The following GSPT1 variants were observed in gnomAD, a reference collection of about 807,000 sequenced individuals.
The protein encoded by GSPT1 is G1 to S phase transition 1, also known as eukaryotic peptide chain release factor GTP-binding subunit ERF3A.
In GSPT1, 20 loss-of-function variants were observed where a neutral mutation model predicts 72.5. The ratio of observed to expected loss-of-function variants is 0.28; its 90% CI spans 0.19 to 0.40. GSPT1 has a LOEUF of 0.40. Ranked by LOEUF, GSPT1 falls within the 10% of genes least tolerant of loss-of-function variation. The probability of loss-of-function intolerance (pLI) is 1.00; values close to 1 mark genes in which losing one functional copy is unlikely to be tolerated. For missense variants in GSPT1, 580 were observed against 811.9 expected, an observed-to-expected ratio of 0.71 and a Z score of 3.47; for synonymous variants, 334 against 293.5, an observed-to-expected ratio of 1.14 and a Z score of -1.41.
At chr16:11,879,263 C>T (rs934799527) in intron 11 of GSPT1, among the ~76,000 whole-genome samples, 7 of 151,364 alleles carry the variant, frequency 4.6e-5, no homozygotes, top group Non-Finnish European at 7.4e-5. Flanking sequence ...GGCGTGGTGG[C>T]AGGCACCTGT....
upstream of GSPT1, among the ~76,000 whole-genome samples, chr16:11,916,397 A>G (rs2054638103): frequency 6.6e-6 from 1 of 152,236 alleles, no homozygotes; most frequent in Non-Finnish European, 1.5e-5. Flanking sequence ...GAAAACGGAC[A>G]GCATCTATAA....
At position 11,871,838 on chromosome 16, in the gene GSPT1, T is replaced by C. The variant is rs931442278; in HGVS notation, c.*1281A>G. The C allele has an allele frequency of 2.0e-5, 3 of 152,198 alleles. No individual in the cohort carries two copies. Among genetic ancestry groups the C allele is most frequent in the Non-Finnish European group, 4.4e-5 (3 of 68,046 alleles). 9.4% of individuals were successfully genotyped at this position (152,198 alleles called of 1,614,324 possible). ...AAAAATTTCAAAGTCATGATAATTA[T>C]AGCAGAGAGTCATTCAATCTAAAAC... On this transcript the variant is annotated 3_prime_UTR_variant, in exon 15 of 15. Transcript: ENST00000434724.
intron 7 of GSPT1, 136 bp downstream of exon 7, chr16:11,887,431 TATG>T: frequency 1.5e-6 from 1 of 669,032 alleles, no homozygotes; most frequent in Non-Finnish European, 2.6e-6. Context: ...GAGAGATTAG[TATG>T]ATGAAAACTG....
chr16:11,876,295 A>T (rs2054045388), intron 12 of GSPT1, 120 bp from the exon 13 acceptor site: 1 of 722,414 alleles, frequency 1.4e-6, no homozygotes, highest in Non-Finnish European at 2.4e-6. Context: ...CATCAACTTA[A>T]GTGATTTTTG....
At chr16:11,904,971 C>T (rs1218275344) in intron 1 of GSPT1, among the ~76,000 whole-genome samples, 1 of 152,124 alleles carries the variant, frequency 6.6e-6, no homozygotes, top group Non-Finnish European at 1.5e-5. Flanking sequence ...TGTAGTCCCA[C>T]GCAGGAGAAT....
chr16:11,904,730 A>G (rs1156771008), intron 1 of GSPT1, among the ~76,000 whole-genome samples: 3 of 152,320 alleles, frequency 2.0e-5, no homozygotes, highest in Admixed American at 6.5e-5. Flanking sequence ...TAAGTCTTAA[A>G]AAGTGCTTGA....
intron 11 of GSPT1, among the ~76,000 whole-genome samples, chr16:11,878,952 T>C (rs1327917314): frequency 1.3e-5 from 2 of 151,722 alleles, no homozygotes; most frequent in Non-Finnish European, 2.9e-5. Context: ...GGCAGGCACC[T>C]GTAATCCCAG....
chr16:11,873,903 G>T (rs1303653343), intron 14 of GSPT1, among the ~76,000 whole-genome samples: 1 of 152,036 alleles, frequency 6.6e-6, no homozygotes, highest in African/African-American at 2.4e-5. Flanking sequence ...AACCTCTTTG[G>T]ATTAAAAATA....
At chr16:11,904,892 C>T (rs456681) in intron 1 of GSPT1, among the ~76,000 whole-genome samples, 2,773 of 152,252 alleles carry the variant, frequency 0.018, 39 homozygotes, top group Middle Eastern at 0.044. Flanking sequence ...TGAGACCAGC[C>T]TGGGAAACAC....
At chr16:11,891,489 G>A (rs1161783436) in intron 5 of GSPT1, among the ~76,000 whole-genome samples, 1 of 151,266 alleles carries the variant, frequency 6.6e-6, no homozygotes, top group Non-Finnish European at 1.5e-5. Flanking sequence ...AGCCTCCTGA[G>A]TAGCTGGGAT....
At chr16:11,891,012 G>A in intron 6 of GSPT1, 50 bp downstream of exon 6, 2 of 791,054 alleles carry the variant, frequency 2.5e-6, no homozygotes, top group Admixed American at 2.4e-5. Context: ...CACTAAGTGG[G>A]CATCGTCTCC....
At chr16:11,899,444 C>T (rs776727101) in intron 1 of GSPT1, among the ~76,000 whole-genome samples, 5 of 151,962 alleles carry the variant, frequency 3.3e-5, no homozygotes, top group Non-Finnish European at 5.9e-5. Flanking sequence ...ACCCACATCA[C>T]CACTGCAAGA....
chr16:11,882,969 A>G (rs772624288), intron 11 of GSPT1, 46 bp downstream of exon 11: 6 of 1,271,834 alleles, frequency 4.7e-6, no homozygotes, highest in Non-Finnish European at 6.9e-6. Flanking sequence ...AAAGAAAAAG[A>G]AAAAAAATCA....
intron 1 of GSPT1, chr16:11,914,975 C>A (rs769645204): frequency 1.6e-6 from 2 of 1,281,026 alleles, no homozygotes; most frequent in South Asian, 1.2e-5. Context: ...CTCCTGGGAT[C>A]TCTAAACGCC....
intron 1 of GSPT1, among the ~76,000 whole-genome samples, chr16:11,911,582 T>C (rs1293955537): frequency 7.5e-6 from 1 of 133,050 alleles, no homozygotes; most frequent in African/African-American, 2.8e-5. Context: ...TGAGACAGAG[T>C]GTCAATGTCG....
At chr16:11,891,004 C>T (rs2054251621) in intron 6 of GSPT1, 58 bp downstream of exon 6, 1 of 761,026 alleles carries the variant, frequency 1.3e-6, no homozygotes, top group Non-Finnish European at 2.2e-6. Flanking sequence ...TCCAAAAGCA[C>T]TAAGTGGGCA....
At chr16:11,905,060 C>G (rs1176988375) in intron 1 of GSPT1, among the ~76,000 whole-genome samples, 1 of 152,166 alleles carries the variant, frequency 6.6e-6, no homozygotes. Context: ...AGAGTAAGAC[C>G]CTGTATCAAA....
Position 11,896,755 on chromosome 16 carries a change from T to G in GSPT1, c.467A>C (p.Glu156Ala), listed in dbSNP as rs764987959. 1.3e-5 allele frequency: 20 copies of G among 1,593,722 alleles called. No homozygotes were observed. Among genetic ancestry groups the G allele is most frequent in the Middle Eastern group, 1.7e-4 (1 of 6,046 alleles). Reference protein sequence around the residue: ...VENGETEMSPEESWEHKEEIS... With the variant: ...VENGETEMSPAESWEHKEEIS... ...TTCTTCTTTGTGCTCCCATGATTCT[T>G]CTGGAGACATTTCTGTCTCTCCATT... The change falls in exon 4 of 15, where the codon GAA (glutamate) becomes GCA (alanine). Residue 156 changes from glutamate (E) to alanine (A), a missense_variant. Glu to Ala is a moderately radical substitution (Grantham distance 107, BLOSUM62 -1). Around this residue, in one of 6 missense-constraint regions of GSPT1, gnomAD observed 327 missense variants for 298.8 expected, o/e 1.09. Transcript: ENST00000434724.
At position 11,870,300 on chromosome 16, in the gene GSPT1, G is replaced by T. The variant is rs1389171211; in HGVS notation, c.*2819C>A. The T allele has an allele frequency of 6.6e-6, 1 of 152,050 alleles. No individual in the cohort carries two copies. Among genetic ancestry groups the T allele is most frequent in the Non-Finnish European group, 1.5e-5 (1 of 68,010 alleles). The allele number at this position is 152,050 out of a possible 1,614,324, so 9.4% of individuals were successfully genotyped here. A position where few individuals can be genotyped will look rare whatever the true frequency, so the allele number is the denominator to read the frequency against. The stretch of plus-strand genomic sequence containing the variant: ...CCCCCTCTCCCACAGTAAGAAACAA[G>T]GGTTTAAAATGGCAATTACTTAGAT... On this transcript the variant is annotated 3_prime_UTR_variant, in exon 15 of 15. Coordinates refer to ENST00000434724, the MANE Select transcript of GSPT1 (RefSeq NM_002094.4).
Sources: gnomAD v4.1 joint callset for allele counts (sites outside exome capture counted in the v4.1 genomes callset) on GRCh38, gnomAD v4.1.1 for gene constraint, gnomAD v4.1.1 regional missense constraint, MANE v1.5 for transcripts, NCBI Gene and HGNC (gene_info 2026-07-23, HGNC 2026-07-21) for gene names.